TNS1: variants seen among roughly 807,000 people sequenced by gnomAD.
TNS1 encodes tensin-1.
A neutral mutation model predicts 168.6 loss-of-function variants in TNS1; 62 were observed. The observed-to-expected ratio is 0.37, with a 90% CI of 0.30 to 0.45. TNS1 has a LOEUF of 0.45. TNS1 is among the 20% of genes least tolerant of loss of function. The pLI is 1.00. For synonymous variants in TNS1, 934 were observed against 933.2 expected (o/e 1.00, Z -0.02); for missense variants, 2,240 against 2,339.4 (o/e 0.96, Z 0.88).
At chr2:218,004,252 A>C (rs993122317), upstream of TNS1, among the ~76,000 whole-genome samples, 2 of 152,136 alleles carry the variant, frequency 1.3e-5, no homozygotes, top group African/African-American at 4.8e-5. Context: ...GCACTTGGAG[A>C]CCTCGTTCCT....
At position 217,982,974 on chromosome 2, in the gene TNS1, G is replaced by C. The variant is rs553673248; in HGVS notation, c.149-4172C>G. On this transcript the variant is annotated intron_variant, in intron 2 of 32. Coordinates refer to ENST00000682258, the MANE Select transcript of TNS1 (RefSeq NM_001387777.1). Reference sequence around the variant, plus strand: ...AGGCTAAGGTATTCTGTAACAGCCCGACTAAGACACCCCCCACCACCAATG... The same window carrying C: ...AGGCTAAGGTATTCTGTAACAGCCCCACTAAGACACCCCCCACCACCAATG... 1.2e-4 allele frequency among the ~76,000 whole-genome samples: 18 copies of C among 152,166 alleles called. No individual in the cohort carries two copies. In the South Asian group the frequency reaches 2.9e-3, roughly 25 times the overall value.
Position 218,033,768 on chromosome 2 carries a change from C to A in TNS1, c.156+52G>T, listed in dbSNP as rs981403426. On this transcript the variant is annotated intron_variant, in intron 1 of 1. Coordinates refer to the TNS1 transcript ENST00000649572. The surrounding 1 kb of genome is among the most constrained non-coding windows in gnomAD (Gnocchi z 4.3). Reference sequence around the variant, plus strand: ...GTCAGGTGCCCTGGGCTCTGCCAACCGCCAGCTCCCGACTCGGGGCGTCGT... The same window carrying A: ...GTCAGGTGCCCTGGGCTCTGCCAACAGCCAGCTCCCGACTCGGGGCGTCGT... 2.0e-5 allele frequency among the ~76,000 whole-genome samples: 3 copies of A among 152,214 alleles called. No individual in the cohort carries two copies. The highest frequency in any genetic ancestry group is 2.1e-4 in the South Asian group (1 of 4,830).
At chr2:217,960,712 C>T (rs1957474913) in intron 3 of TNS1, among the ~76,000 whole-genome samples, 1 of 152,130 alleles carries the variant, frequency 6.6e-6, no homozygotes, top group South Asian at 2.1e-4. Flanking sequence ...TAAGGGAGTC[C>T]CAGCTGCTCC....
chr2:217,834,693 G>A (rs542176626), intron 21 of TNS1, among the ~76,000 whole-genome samples: 1 of 152,316 alleles, frequency 6.6e-6, no homozygotes, highest in East Asian at 1.9e-4. Flanking sequence ...TGGAAGAGGT[G>A]TCTGGATGCA....
At chr2:217,892,849 A>G in intron 11 of TNS1, 99 bp downstream of exon 11, 1 of 1,347,386 alleles carries the variant, frequency 7.4e-7, no homozygotes. Flanking sequence ...CTCTGTGCGT[A>G]TCCCCTCACT....
rs529595091 is a variant in TNS1 at position 217,799,949 on chromosome 2, C to T, written c.*4510G>A. On this transcript the variant is annotated 3_prime_UTR_variant, in exon 33 of 33. Coordinates refer to ENST00000682258, the MANE Select transcript of TNS1 (RefSeq NM_001387777.1). ...TACACGGTGGCAGCGGCTATAGGCA[C>T]GATGATACAAAATATAAAGTATATT... 9 of 152,160 alleles carry T rather than the reference C, an allele frequency of 5.9e-5. No individual in the cohort carries two copies. Among genetic ancestry groups the T allele is most frequent in the African/African-American group, 1.4e-4 (6 of 41,500 alleles). The allele number at this position is 152,160 out of a possible 1,614,324, so 9.4% of individuals were successfully genotyped here.
chr2:217,950,691 C>T (rs1439272234), intron 3 of TNS1, among the ~76,000 whole-genome samples: 1 of 151,054 alleles, frequency 6.6e-6, no homozygotes, highest in African/African-American at 2.4e-5. Context: ...AAGCCCAGAG[C>T]TGTCCACTGG....
intron 3 of TNS1, among the ~76,000 whole-genome samples, chr2:217,934,471 ATTACTCACAACTG>A (rs1956496549): frequency 1.3e-5 from 2 of 152,264 alleles, no homozygotes; most frequent in African/African-American, 4.8e-5. Flanking sequence ...ACACTGAGCC[ATTACTCACAACTG>A]TTACTCACTT....
intron 18 of TNS1, among the ~76,000 whole-genome samples, chr2:217,870,493 A>G (rs1426385266): frequency 6.6e-6 from 1 of 152,226 alleles, no homozygotes; most frequent in Non-Finnish European, 1.5e-5. Flanking sequence ...TAGAGTCGGT[A>G]TCTTGGGGTC....
intron 13 of TNS1, 121 bp downstream of exon 13, chr2:217,886,413 G>A (rs1248227827): frequency 1.3e-6 from 1 of 781,986 alleles, no homozygotes; most frequent in African/African-American, 1.7e-5. Context: ...GTCCAATGGA[G>A]GCCTTATGAC....
rs1328240658 is a variant in TNS1 at position 217,933,279 on chromosome 2, A to G, written c.187-13043T>C. The stretch of plus-strand genomic sequence containing the variant: ...GGGCGGAAGAAGACCTGGCTCTCTG[A>G]CTCGGAAAACACTGAGAGATTTTAA... On this transcript the variant is annotated intron_variant, in intron 3 of 32. Transcript: ENST00000682258. Among the ~76,000 whole-genome samples the G allele has an allele frequency of 2.6e-5, 4 of 152,180 alleles. No individual in the cohort carries two copies. In the East Asian group the frequency reaches 7.7e-4, roughly 29 times the overall value.
rs547145887 is a variant in TNS1, at chr2:217,843,362, C to CA, written c.3007+4147dup. Among the ~76,000 whole-genome samples the CA allele has an allele frequency of 1.4e-3, 208 of 152,126 alleles. 1 individual carries two copies. Among genetic ancestry groups the CA allele is most frequent in the South Asian group, 5.2e-3 (25 of 4,794 alleles). On this transcript the variant is annotated intron_variant, in intron 19 of 32. Coordinates refer to ENST00000682258, the MANE Select transcript of TNS1 (RefSeq NM_001387777.1). ...TTCTTTTTCTCATCCTTCCTCCCCC[C>CA]ATGTCCAACCTACTCCCCTCCTCTT...
chr2:217,954,004 T>G (rs1957302830), intron 3 of TNS1, among the ~76,000 whole-genome samples: 1 of 152,114 alleles, frequency 6.6e-6, no homozygotes, highest in Non-Finnish European at 1.5e-5. Context: ...CAGGAGAGCA[T>G]TTAGGGCCAG....
At chr2:217,826,724 G>A (rs1943677011) in intron 22 of TNS1, among the ~76,000 whole-genome samples, 1 of 152,190 alleles carries the variant, frequency 6.6e-6, no homozygotes, top group Admixed American at 6.5e-5. Flanking sequence ...CAGGGAGTTG[G>A]GCAGGGCGGG....
chr2:217,900,852 C>G (rs747156519), intron 6 of TNS1, among the ~76,000 whole-genome samples: 1 of 152,172 alleles, frequency 6.6e-6, no homozygotes, highest in African/African-American at 2.4e-5. Context: ...TTGATACACT[C>G]GCCAACACAA....
At chr2:217,953,051 C>T (rs1037333616) in intron 3 of TNS1, among the ~76,000 whole-genome samples, 1 of 152,226 alleles carries the variant, frequency 6.6e-6, no homozygotes, top group Admixed American at 6.5e-5. Flanking sequence ...CACACTGGTC[C>T]CCAGGAGAGG....
At chr2:217,982,339 A>G (rs1212682363) in intron 2 of TNS1, among the ~76,000 whole-genome samples, 1 of 151,700 alleles carries the variant, frequency 6.6e-6, no homozygotes, top group Admixed American at 6.6e-5. Flanking sequence ...TCACTCATGA[A>G]TTCCTGAGCC....
At chr2:217,832,985 G>T (rs529918038) in intron 21 of TNS1, among the ~76,000 whole-genome samples, 2 of 151,898 alleles carry the variant, frequency 1.3e-5, no homozygotes, top group Non-Finnish European at 2.9e-5. Context: ...TTCTACCACC[G>T]CCACACCCCC....
intron 3 of TNS1, among the ~76,000 whole-genome samples, chr2:217,932,802 A>C (rs1956390246): frequency 6.6e-6 from 1 of 152,228 alleles, no homozygotes. Flanking sequence ...GAATTCTTCC[A>C]TGCATAAGCT....
Sources: gnomAD v4.1 joint callset for allele counts (sites outside exome capture counted in the v4.1 genomes callset) on GRCh38, gnomAD v4.1.1 for gene constraint, Gnocchi (gnomAD v3.1) non-coding constraint, MANE v1.5 for transcripts, NCBI Gene and HGNC (gene_info 2026-07-23, HGNC 2026-07-21) for gene names.